Variants in ARSK observed in about 807,000 individuals in gnomAD.
ARSK encodes the protein arylsulfatase K.
In ARSK, 37 loss-of-function variants were observed where a neutral mutation model predicts 53.2. The ratio of observed to expected loss-of-function variants is 0.70; its 90% CI spans 0.54 to 0.92. ARSK has a LOEUF of 0.92. Among genes scored for constraint, ARSK ranks in the 40% least tolerant of loss-of-function variants. The pLI, the probability that ARSK is intolerant of heterozygous loss-of-function variation, is 0.00. For synonymous variants in ARSK, 208 were observed against 223.2 expected, an observed-to-expected ratio of 0.93 and a Z score of 0.61; for missense variants, 613 against 643.0, an observed-to-expected ratio of 0.95 and a Z score of 0.51.
At chr5:95,571,926 TA>T (rs1353695497) in intron 3 of ARSK, among the ~76,000 whole-genome samples, 2 of 152,222 alleles carry the variant, frequency 1.3e-5, no homozygotes, top group African/African-American at 2.4e-5. Context: ...ATTTCATAAA[TA>T]GGGGCATTCA....
chr5:95,580,048 C>A (rs1317416936), intron 3 of ARSK, among the ~76,000 whole-genome samples: 1 of 152,054 alleles, frequency 6.6e-6, no homozygotes, highest in African/African-American at 2.4e-5. Context: ...GAGATGCTGG[C>A]GTAGAGGAAA....
intron 3 of ARSK, among the ~76,000 whole-genome samples, chr5:95,581,857 A>G (rs1749024739): frequency 6.6e-6 from 1 of 152,152 alleles, no homozygotes; most frequent in African/African-American, 2.4e-5. Flanking sequence ...GTTAGATGTA[A>G]TTCTGCTGAA....
In ARSK at chr5:95,555,654, A is replaced by T. The variant is rs1748484421; in HGVS notation, c.126+250A>T. ...TGCAGATCTTTTTTTTTTAATACTG[A>T]CCTCGATTCGCTAAATTATTTTACC... On this transcript the variant is annotated intron_variant, in intron 1 of 7. Coordinates refer to ENST00000380009, the MANE Select transcript of ARSK (RefSeq NM_198150.3). This position sits in a 1 kb window ranked among gnomAD's most constrained non-coding sequence, Gnocchi z 4.0. Among the ~76,000 whole-genome samples the T allele has an allele frequency of 6.6e-6, 1 of 151,976 alleles. No individual in the cohort carries two copies. Among genetic ancestry groups the T allele is most frequent in the South Asian group, 2.1e-4 (1 of 4,824 alleles).
chr5:95,601,125 A>T, intron 7 of ARSK, 54 bp downstream of exon 7: 1 of 1,405,464 alleles, frequency 7.1e-7, no homozygotes, highest in Admixed American at 1.7e-5. Context: ...GAACTGCCCT[A>T]TGTAGCATTG....
At chr5:95,593,194 C>T (rs988233930) in intron 6 of ARSK, among the ~76,000 whole-genome samples, 1 of 152,092 alleles carries the variant, frequency 6.6e-6, no homozygotes, top group African/African-American at 2.4e-5. Context: ...TTCCTTGGGT[C>T]ATCTTTGCTT....
At chr5:95,586,326 A>T (rs1045243423) in intron 4 of ARSK, among the ~76,000 whole-genome samples, 3 of 152,148 alleles carry the variant, frequency 2.0e-5, no homozygotes, top group African/African-American at 4.8e-5. Context: ...ATTTTTAAAA[A>T]TTTTACCACT....
chr5:95,587,522 A>C (rs1749140321), intron 5 of ARSK, among the ~76,000 whole-genome samples: 1 of 152,238 alleles, frequency 6.6e-6, no homozygotes, highest in African/African-American at 2.4e-5. Flanking sequence ...TTGTTAAAAA[A>C]AAATTCACTG....
chr5:95,586,826 A>AC (rs57187683), intron 5 of ARSK, 93 bp downstream of exon 5: 197,589 of 1,124,898 alleles, frequency 0.18, 22,948 homozygotes, highest in African/African-American at 0.54. Context: ...CTTTCTTACA[A>AC]AGTTGCTTAT....
chr5:95,583,048 A>G lies in ARSK; in HGVS notation c.549A>G (p.Ala183=). 6.2e-7 allele frequency: 1 copy of G among 1,613,918 alleles called. No homozygotes were observed. Among genetic ancestry groups the G allele is most frequent in the Non-Finnish European group, 8.5e-7 (1 of 1,179,804 alleles). The change falls in exon 4 of 8, where the codon GCA becomes GCG. Residue 183 remains alanine (A), a synonymous_variant. Coordinates refer to ENST00000380009, the MANE Select transcript of ARSK (RefSeq NM_198150.3). ...GGGATTGGCAGAATACAGACAAAGCAGTAAACTGGTTAAGAAAGGAAGCAA... is the reference window on the plus strand; with the variant it reads ...GGGATTGGCAGAATACAGACAAAGCGGTAAACTGGTTAAGAAAGGAAGCAA... ...MERDWQNTDK[A]VNWLRKEAIN...
chr5:95,597,207 G>A (rs928696582), intron 6 of ARSK, among the ~76,000 whole-genome samples: 7 of 152,040 alleles, frequency 4.6e-5, no homozygotes. Flanking sequence ...ATTGTTTTCT[G>A]TAATAGTCTT....
intron 5 of ARSK, among the ~76,000 whole-genome samples, chr5:95,589,572 T>C (rs1284781823): frequency 6.6e-6 from 1 of 152,218 alleles, no homozygotes; most frequent in Non-Finnish European, 1.5e-5. Context: ...GATAATGGCT[T>C]CTAGCTCCAT....
rs1748460145 is a variant in ARSK at position 95,555,138 on chromosome 5, G to A, written c.-141G>A. 3.0e-6 allele frequency: 2 copies of A among 659,488 alleles called. No individual in the cohort carries two copies. Among genetic ancestry groups the A allele is most frequent in the Non-Finnish European group, 4.9e-6 (2 of 406,716 alleles). The allele number at this position is 659,488 out of a possible 1,614,324, so 40.9% of individuals were successfully genotyped here. On this transcript the variant is annotated 5_prime_UTR_variant, in exon 1 of 8. Transcript: ENST00000380009. This position sits in a 1 kb window ranked among gnomAD's most constrained non-coding sequence, Gnocchi z 4.0. ...CGCCTGATAGGAGTTGTAGTTCTGC[G>A]GGTGAAGCTCGGCGTTACTATCAAG...
chr5:95,557,001 G>A (rs941841121), intron 1 of ARSK: 3 of 150,256 alleles, frequency 2.0e-5, no homozygotes, highest in Non-Finnish European at 4.4e-5. Flanking sequence ...CGGAGCGAGA[G>A]TCCGTCTCGA....
rs527515388 is a variant in ARSK at position 95,565,193 on chromosome 5, A to C, written c.127-805A>C. 3.3e-5 allele frequency among the ~76,000 whole-genome samples: 5 copies of C among 152,320 alleles called. No homozygotes were observed. In the South Asian group the frequency reaches 1.0e-3, roughly 32 times the overall value. On this transcript the variant is annotated intron_variant, in intron 1 of 7. Transcript: ENST00000380009. ...GTTCTTCAATTCCCAGTTCATCTCCAAAATGCATATCTCCAACCCAAACAT... is the reference window on the plus strand; with the variant it reads ...GTTCTTCAATTCCCAGTTCATCTCCCAAATGCATATCTCCAACCCAAACAT...
At chr5:95,576,804 T>G (rs1748931763) in intron 3 of ARSK, among the ~76,000 whole-genome samples, 1 of 152,088 alleles carries the variant, frequency 6.6e-6, no homozygotes, top group Admixed American at 6.6e-5. Flanking sequence ...CAGACCCTTT[T>G]TGGCTCAAGT....
chr5:95,602,908 T>A (rs1580234527), intron 7 of ARSK, among the ~76,000 whole-genome samples: 1 of 152,172 alleles, frequency 6.6e-6, no homozygotes, highest in South Asian at 2.1e-4. Context: ...CATTTCTGCC[T>A]GTCAAAGTAG....
chr5:95,595,689 GGGGCCAGA>G (rs1749297566), intron 6 of ARSK, among the ~76,000 whole-genome samples: 1 of 152,098 alleles, frequency 6.6e-6, no homozygotes, highest in South Asian at 2.1e-4. Context: ...AGGGAGGGAG[GGGGCCAGA>G]GGGCCAGAGG....
At chr5:95,556,209 T>A (rs1409415563) in intron 1 of ARSK, 1 of 702,302 alleles carries the variant, frequency 1.4e-6, no homozygotes, top group African/African-American at 1.7e-5. Context: ...TTCTCGTAGA[T>A]TCCTGATGAT....
chr5:95,603,652 G>A lies in ARSK; in HGVS notation c.*126G>A. Reference sequence around the variant, plus strand: ...TGGCCGGGCACAGTGGCTCACACCTGTAATCCCAGGACTTTGGGAGGCTGA... The same window carrying A: ...TGGCCGGGCACAGTGGCTCACACCTATAATCCCAGGACTTTGGGAGGCTGA... On this transcript the variant is annotated 3_prime_UTR_variant, in exon 8 of 8. Coordinates refer to ENST00000380009, the MANE Select transcript of ARSK (RefSeq NM_198150.3). 1.2e-6 allele frequency: 1 copy of A among 816,740 alleles called. No individual in the cohort carries two copies. The highest frequency in any genetic ancestry group is 1.8e-6 in the Non-Finnish European group (1 of 566,344). 50.6% of individuals were successfully genotyped at this position (816,740 alleles called of 1,614,324 possible).
Sources: gnomAD v4.1 joint callset for allele counts (sites outside exome capture counted in the v4.1 genomes callset) on GRCh38, gnomAD v4.1.1 for gene constraint, Gnocchi (gnomAD v3.1) non-coding constraint, MANE v1.5 for transcripts, NCBI Gene and HGNC (gene_info 2026-07-23, HGNC 2026-07-21) for gene names.